CACNA2D4: variants seen among roughly 807,000 people sequenced by gnomAD.
CACNA2D4 encodes the protein calcium voltage-gated channel auxiliary subunit alpha2delta 4, also known as voltage-dependent calcium channel subunit alpha-2/delta-4.
In CACNA2D4, 157 loss-of-function variants were observed where a neutral mutation model predicts 163.8. That is an observed-to-expected ratio of 0.96 (90% confidence interval 0.84 to 1.09). CACNA2D4 has a LOEUF of 1.09. Among genes scored for constraint, CACNA2D4 ranks in the 50% least tolerant of loss-of-function variants. CACNA2D4 has a pLI of 0.00. For missense variants in CACNA2D4, 1,410 were observed against 1,479.9 expected, an observed-to-expected ratio of 0.95 and a Z score of 0.78; for synonymous variants, 598 against 586.9, an observed-to-expected ratio of 1.02 and a Z score of -0.27.
chr12:1,882,654 G>T (rs538755342), intron 13 of CACNA2D4, among the ~76,000 whole-genome samples: 1 of 152,272 alleles, frequency 6.6e-6, no homozygotes, highest in East Asian at 1.9e-4. Context: ...GGGGTCTAAG[G>T]CAGCATATGA....
chr12:1,839,962 T>C (rs1254820718), intron 26 of CACNA2D4, among the ~76,000 whole-genome samples: 1 of 152,190 alleles, frequency 6.6e-6, no homozygotes, highest in African/African-American at 2.4e-5. Context: ...ATTTATAAAA[T>C]AGGCACTGAC....
intron 23 of CACNA2D4, 52 bp from the exon 24 acceptor site, chr12:1,846,741 T>A (rs1865154458): frequency 1.4e-6 from 2 of 1,453,424 alleles, no homozygotes; most frequent in East Asian, 4.9e-5. Context: ...GGCAAGAGCT[T>A]GGGGGCGACC....
At position 1,882,929 on chromosome 12, in the gene CACNA2D4, G is replaced by A. The variant is rs755333586; in HGVS notation, c.1423C>T (p.Arg475Cys). The A allele has an allele frequency of 3.3e-5, 53 of 1,613,548 alleles. No individual in the cohort carries two copies. The highest frequency in any genetic ancestry group is 4.0e-5 in the Non-Finnish European group (47 of 1,179,770). The part of the protein sequence containing the change: ...NVMEYLHVLS[R>C]PMVINHDHDI... ...TGGTCGTGGTTGATGACCATGGGGC[G>A]GCTGAGCACGTGCAGGTATTCCATC... Residue 475 changes from arginine to cysteine, a missense_variant, in exon 13 of 38, where the codon CGC becomes TGC. Physicochemically the swap from Arg to Cys is radical, Grantham distance 180. Coordinates refer to ENST00000382722, the MANE Select transcript of CACNA2D4 (RefSeq NM_172364.5).
rs1254180106 is a variant in CACNA2D4 at position 1,843,195 on chromosome 12, G to T, written c.2470+1207C>A. Among the ~76,000 whole-genome samples the T allele has an allele frequency of 3.9e-5, 6 of 152,228 alleles. No homozygotes were observed. The highest frequency in any genetic ancestry group is 1.4e-4 in the African/African-American group (6 of 41,454). On this transcript the variant is annotated intron_variant, in intron 25 of 37. Transcript: ENST00000382722. The surrounding 1 kb of genome is among the most constrained non-coding windows in gnomAD (Gnocchi z 4.6). ...AGGTGGGAGTAGGGGCATAGCACCA[G>T]GTGAGGAAGGCGGGATTCCGGAGGG...
Position 1,878,868 on chromosome 12 carries a change from G to A in CACNA2D4, c.1644+88C>T, listed in dbSNP as rs1265222284. On this transcript the variant is annotated intron_variant, in intron 15 of 37. Transcript: ENST00000382722. This position sits in a 1 kb window ranked among gnomAD's most constrained non-coding sequence, Gnocchi z 4.6. ...GGGCCCCACCCCAGCTCTGGGCTTG[G>A]CTTGCCTGGAGAGAGGCTCCCATCA... 2.3e-5 allele frequency: 29 copies of A among 1,288,882 alleles called. No homozygotes were observed. The highest frequency in any genetic ancestry group is 3.1e-5 in the Non-Finnish European group (28 of 917,944). The allele number at this position is 1,288,882 out of a possible 1,614,324, so 79.8% of individuals were successfully genotyped here.
chr12:1,840,823 G>A lies in CACNA2D4; in HGVS notation c.2471-4C>T, dbSNP rs1865005407. ...ACCATGGGTTCACCCGCACTTTCTG[G>A]GGAAACAGAGACAACCCAGTCATGG... On this transcript the variant is annotated splice_polypyrimidine_tract_variant and splice_region_variant and intron_variant, in intron 25 of 37. Coordinates refer to ENST00000382722, the MANE Select transcript of CACNA2D4 (RefSeq NM_172364.5). 6.3e-7 allele frequency: 1 copy of A among 1,582,248 alleles called. No homozygotes were observed. The highest frequency in any genetic ancestry group is 1.8e-5 in the Admixed American group (1 of 55,674).
chr12:1,804,358 C>T (rs1296095241), intron 29 of CACNA2D4, among the ~76,000 whole-genome samples: 3 of 152,134 alleles, frequency 2.0e-5, no homozygotes, highest in Non-Finnish European at 4.4e-5. Context: ...AGGCTTCTGA[C>T]GAGGCTGGTC....
chr12:1,830,977 C>G, intron 26 of CACNA2D4: 1 of 1,613,402 alleles, frequency 6.2e-7, no homozygotes, highest in Non-Finnish European at 8.5e-7. Context: ...GAGGCCCTCC[C>G]CACCTGCCCT....
At chr12:1,851,822 T>C (rs1045350134) in intron 23 of CACNA2D4, among the ~76,000 whole-genome samples, 1 of 152,090 alleles carries the variant, frequency 6.6e-6, no homozygotes, top group African/African-American at 2.4e-5. Context: ...GATTAATATC[T>C]TTATGATGTT....
chr12:1,869,218 G>A lies in CACNA2D4; in HGVS notation c.1878+5386C>T, dbSNP rs1469129160. ...CAGACTCAATGCCCAGTGTGGTTTC[G>A]AGTCAGGGTCAGCCAAAGAGAAGTG... On this transcript the variant is annotated intron_variant, in intron 18 of 37. Coordinates refer to ENST00000382722, the MANE Select transcript of CACNA2D4 (RefSeq NM_172364.5). This position sits in a 1 kb window ranked among gnomAD's most constrained non-coding sequence, Gnocchi z 4.7. 6.6e-6 allele frequency among the ~76,000 whole-genome samples: 1 copy of A among 152,210 alleles called. No individual in the cohort carries two copies. Among genetic ancestry groups the A allele is most frequent in the Non-Finnish European group, 1.5e-5 (1 of 68,024 alleles).
chr12:1,801,563 GC>G lies in CACNA2D4; in HGVS notation c.2792+10del. Reference sequence around the variant, plus strand: ...GTCTATTTGGACTGGGGAGGAGTGTGCCCCACTTACTGGCTGAACACCCCCA... The same window carrying G: ...GTCTATTTGGACTGGGGAGGAGTGTGCCCACTTACTGGCTGAACACCCCCA... On this transcript the variant is annotated intron_variant, in intron 30 of 37. Transcript: ENST00000382722. 1.3e-6 allele frequency: 2 copies of G among 1,571,302 alleles called. No homozygotes were observed. The highest frequency in any genetic ancestry group is 1.2e-5 in the South Asian group (1 of 85,912).
At chr12:1,902,305 G>A (rs1470528668) in intron 6 of CACNA2D4, among the ~76,000 whole-genome samples, 1 of 151,934 alleles carries the variant, frequency 6.6e-6, no homozygotes, top group East Asian at 1.9e-4. Flanking sequence ...TCTGGAACAA[G>A]ACAAGGATGT....
intron 25 of CACNA2D4, 120 bp from the exon 26 acceptor site, chr12:1,840,939 T>C (rs1865009496): frequency 4.7e-6 from 4 of 858,976 alleles, no homozygotes; most frequent in South Asian, 1.4e-5. Context: ...CTTGGAAGAA[T>C]TGAGGCGAGG....
chr12:1,860,602 C>G (rs1865502455), intron 18 of CACNA2D4, among the ~76,000 whole-genome samples: 2 of 152,196 alleles, frequency 1.3e-5, no homozygotes, highest in Admixed American at 1.3e-4. Flanking sequence ...GACCATGACT[C>G]TATGGTTCCT....
At chr12:1,840,052 T>A (rs1327249835) in intron 26 of CACNA2D4, among the ~76,000 whole-genome samples, 5 of 152,206 alleles carry the variant, frequency 3.3e-5, no homozygotes, top group Non-Finnish European at 7.3e-5. Flanking sequence ...CTTTAATGTT[T>A]AGGCAAATCA....
rs747063523 is a variant in CACNA2D4 at position 1,918,409 on chromosome 12, G to A, written c.65C>T (p.Pro22Leu). Residue 22 changes from proline (P) to leucine (L), a missense_variant, in exon 1 of 38, where the codon CCC (proline) becomes CTC (leucine). Physicochemically the swap from Pro to Leu is moderately conservative, Grantham distance 98. Transcript: ENST00000382722. ...GGAGCTGGGGTTTGCGAGGAAGTTG[G>A]GAGTTGCAGGCATGGTGGGCCTGGG... ...PNPRPTMPATPNFLANPSSSS... is the reference protein window; with the variant it reads ...PNPRPTMPATLNFLANPSSSS... 1.3e-6 allele frequency: 2 copies of A among 1,597,712 alleles called. No homozygotes were observed.
chr12:1,907,998 C>G lies in CACNA2D4; in HGVS notation c.526G>C (p.Glu176Gln). 6.2e-7 allele frequency: 1 copy of G among 1,614,012 alleles called. No individual in the cohort carries two copies. Among genetic ancestry groups the G allele is most frequent in the South Asian group, 1.1e-5 (1 of 91,076 alleles). ...CCCAGCTCCACGAAGTTGCCCTTCT[C>G]GTCCCTCTCGTTGATCAGGACCGAG... ...YNSVLINERD[E>Q]KGNFVELGAE... is the part of the protein sequence containing the mutation. Residue 176 changes from glutamate (E) to glutamine (Q), a missense_variant, in exon 5 of 38, where the codon GAG (glutamate) becomes CAG (glutamine). By Grantham distance (29) the Glu-to-Gln change is conservative. Coordinates refer to ENST00000382722, the MANE Select transcript of CACNA2D4 (RefSeq NM_172364.5).
intron 23 of CACNA2D4, among the ~76,000 whole-genome samples, chr12:1,847,675 C>A (rs1471230240): frequency 6.6e-6 from 1 of 152,176 alleles, no homozygotes; most frequent in Non-Finnish European, 1.5e-5. Context: ...TGATTCAATT[C>A]TCTGTGTAAA....
intron 26 of CACNA2D4, among the ~76,000 whole-genome samples, chr12:1,839,489 C>T (rs1864963935): frequency 6.6e-6 from 1 of 152,242 alleles, no homozygotes; most frequent in Non-Finnish European, 1.5e-5. Flanking sequence ...AACCGCAGCA[C>T]AGGGCAGTGA....
Sources: allele counts gnomAD v4.1 joint callset (sites outside exome capture counted in the v4.1 genomes callset), GRCh38; gene constraint gnomAD v4.1.1; non-coding constraint Gnocchi (gnomAD v3.1); transcripts MANE v1.5; gene names NCBI Gene and HGNC (gene_info 2026-07-23, HGNC 2026-07-21).